The following IPO7 variants were observed in gnomAD, a reference collection of about 807,000 sequenced individuals.
The protein encoded by IPO7 is importin-7.
Under a neutral mutation model 136.4 loss-of-function variants are expected in IPO7, and 13 were observed. The ratio of observed to expected loss-of-function variants is 0.10; its 90% CI spans 0.06 to 0.15. The LOEUF is 0.15. IPO7 is among the 10% of genes least tolerant of loss of function. The pLI, the probability that IPO7 is intolerant of heterozygous loss-of-function variation, is 1.00. For missense variants in IPO7, 857 were observed against 1,240.6 expected (o/e 0.69, Z 4.65); for synonymous variants, 403 against 404.4 (o/e 1.00, Z 0.04).
At chr11:9,445,051 TTAG>T (rs1436624143) in intron 24 of IPO7, 43 bp from the exon 25 acceptor site, 3 of 1,165,172 alleles carry the variant, frequency 2.6e-6, no homozygotes, top group Non-Finnish European at 2.6e-6. Flanking sequence ...TCTCACCAAG[TTAG>T]TAGATGATTG....
At chr11:9,425,118 G>A (rs1317730203) in intron 11 of IPO7, 28 bp from the exon 12 acceptor site, 6 of 1,442,904 alleles carry the variant, frequency 4.2e-6, no homozygotes, top group Non-Finnish European at 5.8e-6. Context: ...GGCCTATTCA[G>A]TAACAATACT....
rs1182773952 is a variant in IPO7 at position 9,416,934 on chromosome 11, C to T, written c.637-125C>T. ...ATAGATAACAAGCAAAGAAGTTTGC[C>T]TATGTACTAAAAGCAGGAAATGTGG... On this transcript the variant is annotated intron_variant, in intron 5 of 24. Coordinates refer to ENST00000379719, the MANE Select transcript of IPO7 (RefSeq NM_006391.3). The T allele has an allele frequency of 2.7e-5, 13 of 477,442 alleles. No homozygotes were observed. In the Admixed American group the frequency reaches 4.2e-4, roughly 15 times the overall value. The allele number at this position is 477,442 out of a possible 1,614,324, so 29.6% of individuals were successfully genotyped here.
chr11:9,397,342 ATAT>A lies in IPO7; in HGVS notation c.85-5947_85-5945del, dbSNP rs1461832749. ...TTTACTAAAAATAATTTAAAAAAAA[ATAT>A]ATATATATATATATATATATTAGTC... On this transcript the variant is annotated intron_variant, in intron 1 of 24. Coordinates refer to ENST00000379719, the MANE Select transcript of IPO7 (RefSeq NM_006391.3). 8.3e-4 allele frequency among the ~76,000 whole-genome samples: 12 copies of A among 14,524 alleles called. 1 individual carries two copies. Among genetic ancestry groups the A allele is most frequent in the South Asian group, 3.1e-3 (1 of 326 alleles). 9.5% of individuals were successfully genotyped at this position (14,524 alleles called of 152,430 possible). A position where few individuals can be genotyped will look rare whatever the true frequency, so the allele number is the denominator to read the frequency against.
Position 9,429,018 on chromosome 11 carries a change from GT to G in IPO7, c.1426-8del, listed in dbSNP as rs755253649. On this transcript the variant is annotated splice_polypyrimidine_tract_variant and intron_variant, in intron 13 of 24. Transcript: ENST00000379719. ...TAAGGTATCTACAGTAACTCACTGT[GT>G]TTTTACAAAAGGCTTGCTGGGTACT... 1 of 1,611,476 alleles carries G rather than the reference GT, an allele frequency of 6.2e-7. No individual in the cohort carries two copies. The highest frequency in any genetic ancestry group is 1.1e-5 in the South Asian group (1 of 90,894).
At chr11:9,399,601 A>G (rs1448815544) in intron 1 of IPO7, among the ~76,000 whole-genome samples, 1 of 152,196 alleles carries the variant, frequency 6.6e-6, no homozygotes, top group Non-Finnish European at 1.5e-5. Flanking sequence ...GTAGAGTAAT[A>G]ATTTTCAGTG....
rs766756573 is a variant in IPO7 at position 9,414,282 on chromosome 11, A to G, written c.507A>G (p.Pro169=). The change falls in exon 5 of 25, where the codon CCA becomes CCG. Residue 169 remains proline, a synonymous_variant. Transcript: ENST00000379719. ...ATAAAAAACCAGAGGAGCGGAGTCC[A>G]TTGGTAGCAGCAATGCAGCATTTTC... ...YEYKKPEERS[P]LVAAMQHFLP... 14 of 1,612,232 alleles carry G rather than the reference A, an allele frequency of 8.7e-6. No homozygotes were observed. Among genetic ancestry groups the G allele is most frequent in the Admixed American group, 1.7e-5 (1 of 59,732 alleles).
intron 6 of IPO7, 142 bp from the exon 7 acceptor site, chr11:9,420,269 A>G: frequency 3.5e-6 from 2 of 577,312 alleles, no homozygotes; most frequent in Non-Finnish European, 6.1e-6. Flanking sequence ...GTGAGCTGAG[A>G]TGGCAATAGA....
intron 10 of IPO7, among the ~76,000 whole-genome samples, chr11:9,424,674 T>C (rs1330893495): frequency 1.3e-5 from 2 of 152,054 alleles, no homozygotes; most frequent in Non-Finnish European, 2.9e-5. Flanking sequence ...ACCTGGGAGA[T>C]GGAGGTTACA....
chr11:9,433,957 CTT>C, intron 18 of IPO7, 111 bp downstream of exon 18: 1 of 1,115,438 alleles, frequency 9.0e-7, no homozygotes, highest in Non-Finnish European at 1.3e-6. Flanking sequence ...GAATTTTGCT[CTT>C]GTTGCCCAGG....
rs767878478 is a variant in IPO7 at position 9,437,965 on chromosome 11, G to C, written c.2480G>C (p.Cys827Ser). The C allele has an allele frequency of 1.2e-6, 2 of 1,601,478 alleles. No individual in the cohort carries two copies. Among genetic ancestry groups the C allele is most frequent in the South Asian group, 2.2e-5 (2 of 90,608 alleles). ...FITQWLNDVD[C>S]FLGLHDRKMC... ...ACACAGTGGCTTAATGATGTTGACT[G>C]TTTCTTGGGGTAAGTGATGTATTGC... The change falls in exon 21 of 25, where the codon TGT (cysteine) becomes TCT (serine). Residue 827 changes from cysteine (C) to serine (S), a missense_variant. Transcript: ENST00000379719.
At position 9,433,607 on chromosome 11, in the gene IPO7, T is replaced by C. The variant is rs1855330050; in HGVS notation, c.1919T>C (p.Ile640Thr). The change falls in exon 17 of 25, where the codon ATT becomes ACT. Residue 640 changes from isoleucine (I) to threonine (T), a missense_variant. Physicochemically the swap from Ile to Thr is moderately conservative, Grantham distance 89. Coordinates refer to ENST00000379719, the MANE Select transcript of IPO7 (RefSeq NM_006391.3). ...CTTGAGGGAATCTGCTTACAGGTCA[T>C]TGGTACTGTTTTACAACAGCATGTC... is the stretch of plus-strand genomic sequence containing the variant. ...QQLEGICLQV[I>T]GTVLQQHVLE... The C allele has an allele frequency of 6.2e-7, 1 of 1,612,756 alleles. No homozygotes were observed. Among genetic ancestry groups the C allele is most frequent in the Non-Finnish European group, 8.5e-7 (1 of 1,179,914 alleles).
chr11:9,391,925 C>T (rs1373859935), intron 1 of IPO7, among the ~76,000 whole-genome samples: 1 of 151,928 alleles, frequency 6.6e-6, no homozygotes, highest in South Asian at 2.1e-4. Context: ...CACCACCACA[C>T]CTGCCTAAGT....
intron 19 of IPO7, 78 bp downstream of exon 19, chr11:9,435,109 C>T: frequency 1.2e-6 from 1 of 842,516 alleles, no homozygotes; most frequent in Admixed American, 2.0e-5. Flanking sequence ...CATGTGATAC[C>T]ACATTGTAGT....
intron 24 of IPO7, among the ~76,000 whole-genome samples, chr11:9,444,614 A>C (rs1158988717): frequency 6.6e-6 from 1 of 151,698 alleles, no homozygotes; most frequent in Non-Finnish European, 1.5e-5. Context: ...CGGATGGATC[A>C]CTTGAGGTCG....
chr11:9,387,354 A>G (rs994693356), intron 1 of IPO7, among the ~76,000 whole-genome samples: 1 of 152,190 alleles, frequency 6.6e-6, no homozygotes, highest in African/African-American at 2.4e-5. Context: ...GAGTCTTTGC[A>G]CTTAACTCCT....
At chr11:9,405,332 G>A (rs1047870776) in intron 2 of IPO7, among the ~76,000 whole-genome samples, 1 of 151,980 alleles carries the variant, frequency 6.6e-6, no homozygotes, top group Non-Finnish European at 1.5e-5. Flanking sequence ...CCGCCACCAC[G>A]CCCGGCTAAT....
chr11:9,392,564 T>A (rs2133719412), intron 1 of IPO7, among the ~76,000 whole-genome samples: 1 of 152,300 alleles, frequency 6.6e-6, no homozygotes, highest in East Asian at 1.9e-4. Context: ...ACGGGATTCT[T>A]CTACCTCCTG....
chr11:9,391,757 A>T (rs2133718391), intron 1 of IPO7, among the ~76,000 whole-genome samples: 1 of 152,310 alleles, frequency 6.6e-6, no homozygotes, highest in East Asian at 1.9e-4. Flanking sequence ...TAATATTTTA[A>T]AATTATTTTT....
intron 2 of IPO7, among the ~76,000 whole-genome samples, chr11:9,404,025 C>T (rs994885955): frequency 6.6e-6 from 1 of 152,064 alleles, no homozygotes; most frequent in African/African-American, 2.4e-5. Context: ...CCACTCCCAG[C>T]CTTTTCATTT....
Sources: gnomAD v4.1 joint callset for allele counts (sites outside exome capture counted in the v4.1 genomes callset) on GRCh38, gnomAD v4.1.1 for gene constraint, MANE v1.5 for transcripts, NCBI Gene and HGNC (gene_info 2026-07-23, HGNC 2026-07-21) for gene names.